PKD1L1: variants seen among roughly 807,000 people sequenced by gnomAD.
PKD1L1 encodes the protein polycystin 1 like 1, transient receptor potential channel interacting, also known as polycystin-1-like protein 1.
Under a neutral mutation model 323.4 loss-of-function variants are expected in PKD1L1, and 236 were observed. The ratio of observed to expected loss-of-function variants is 0.73; its 90% CI spans 0.66 to 0.81. The LOEUF (loss-of-function observed/expected upper bound fraction) is 0.81, where lower values mean the gene tolerates loss of function less well. Among genes scored for constraint, PKD1L1 ranks in the 40% least tolerant of loss-of-function variants. The pLI is 0.00. For synonymous variants in PKD1L1, 1,344 were observed against 1,335.0 expected (o/e 1.01, Z -0.15); for missense variants, 3,320 against 3,508.0 (o/e 0.95, Z 1.35).
intron 1 of PKD1L1, 72 bp from the exon 2 acceptor site, chr7:47,943,583 A>C: frequency 8.2e-7 from 1 of 1,215,046 alleles, no homozygotes. Context: ...TCCTGTGACC[A>C]CTCTTCCATC....
intron 31 of PKD1L1, 27 bp from the exon 32 acceptor site, chr7:47,847,098 G>A (rs1169582160): frequency 6.5e-7 from 1 of 1,534,926 alleles, no homozygotes; most frequent in Non-Finnish European, 8.7e-7. Flanking sequence ...TAAATAAAAA[G>A]TACAACCTGA....
At chr7:47,871,814 T>A (rs1786287094) in intron 24 of PKD1L1, among the ~76,000 whole-genome samples, 1 of 152,160 alleles carries the variant, frequency 6.6e-6, no homozygotes, top group Non-Finnish European at 1.5e-5. Flanking sequence ...CTCTAGCTAA[T>A]ATTAATATGA....
At chr7:47,845,143 G>T in intron 32 of PKD1L1, 65 bp from the exon 33 acceptor site, 1 of 1,314,182 alleles carries the variant, frequency 7.6e-7, no homozygotes, top group Non-Finnish European at 1.1e-6. Flanking sequence ...CAGTGTAATG[G>T]CATGTTGGTT....
intron 23 of PKD1L1, among the ~76,000 whole-genome samples, chr7:47,875,720 G>C (rs908776856): frequency 2.6e-5 from 4 of 152,128 alleles, no homozygotes; most frequent in African/African-American, 9.7e-5. Context: ...CCCACATTTT[G>C]TTCCTTAGGG....
rs537233816 is a variant in PKD1L1 at position 47,813,125 on chromosome 7, T to A, written c.7342A>T (p.Thr2448Ser). ...GGCCCTTCGAATCTCACTGACCTTGTTCTGCCCAGGCTGAGCACACAGTCC... is the reference window on the plus strand; with the variant it reads ...GGCCCTTCGAATCTCACTGACCTTGATCTGCCCAGGCTGAGCACACAGTCC... ...REDCVLSLGR[T>S]RTEAHTALSR... The change falls in exon 49 of 57, where the codon ACA becomes TCA. Residue 2448 changes from threonine to serine, a missense_variant. By Grantham distance (58) the Thr-to-Ser change is moderately conservative. Coordinates refer to ENST00000289672, the MANE Select transcript of PKD1L1 (RefSeq NM_138295.5). The A allele has an allele frequency of 3.7e-6, 6 of 1,612,832 alleles. No individual in the cohort carries two copies. The African/African-American group carries it at 4.0e-5, about 11-fold the overall frequency.
intron 26 of PKD1L1, among the ~76,000 whole-genome samples, chr7:47,860,708 A>C (rs1288076465): frequency 6.6e-6 from 1 of 152,190 alleles, no homozygotes; most frequent in African/African-American, 2.4e-5. Context: ...CACTTTTTTG[A>C]CCAAAAATAT....
chr7:47,943,533 G>C, intron 1 of PKD1L1, 22 bp from the exon 2 acceptor site: 9 of 1,580,396 alleles, frequency 5.7e-6, no homozygotes, highest in South Asian at 1.1e-5. Context: ...AAAATAACCA[G>C]AGGAAAATTA....
chr7:47,811,670 C>T, intron 50 of PKD1L1, 147 bp downstream of exon 50: 1 of 666,280 alleles, frequency 1.5e-6, no homozygotes, highest in Non-Finnish European at 2.6e-6. Flanking sequence ...GTGATGCTTG[C>T]TGCAAGAAGG....
At chr7:47,949,136 C>T (rs62447092), upstream of PKD1L1, among the ~76,000 whole-genome samples, 3 of 150,850 alleles carry the variant, frequency 2.0e-5, no homozygotes, top group East Asian at 4.0e-4. Flanking sequence ...TTTGGGAGGT[C>T]GAGGTGGGCG....
intron 54 of PKD1L1, 44 bp downstream of exon 54, chr7:47,800,604 AC>A: frequency 6.3e-7 from 1 of 1,589,742 alleles, no homozygotes; most frequent in South Asian, 1.1e-5. Context: ...AGCAAATGAA[AC>A]TTTTACAAAC....
chr7:47,915,653 G>A (rs1787413058), intron 7 of PKD1L1, 54 bp from the exon 8 acceptor site: 3 of 1,134,396 alleles, frequency 2.6e-6, no homozygotes, highest in Non-Finnish European at 2.5e-6. Context: ...AATAAACTAG[G>A]GGAAAATGTG....
Position 47,839,904 on chromosome 7 carries a change from C to T in PKD1L1, c.5553-242G>A. 6.6e-6 allele frequency among the ~76,000 whole-genome samples: 1 copy of T among 152,174 alleles called. No homozygotes were observed. Among genetic ancestry groups the T allele is most frequent in the Non-Finnish European group, 1.5e-5 (1 of 68,042 alleles). On this transcript the variant is annotated intron_variant, in intron 35 of 56. Coordinates refer to ENST00000289672, the MANE Select transcript of PKD1L1 (RefSeq NM_138295.5). This position sits in a 1 kb window ranked among gnomAD's most constrained non-coding sequence, Gnocchi z 4.3. ...TTCAATATCCACCAGCTTTCCCAAA[C>T]CAAAGTTACACAAATCTCGTTCATG...
intron 25 of PKD1L1, among the ~76,000 whole-genome samples, chr7:47,865,698 G>A (rs1448222446): frequency 6.6e-6 from 1 of 151,594 alleles, no homozygotes; most frequent in African/African-American, 2.4e-5. Context: ...CCATTCTACT[G>A]CCTCAGCCTC....
At chr7:47,937,561 G>A (rs2128757454) in intron 3 of PKD1L1, among the ~76,000 whole-genome samples, 1 of 152,298 alleles carries the variant, frequency 6.6e-6, no homozygotes, top group African/African-American at 2.4e-5. Flanking sequence ...CCAATGCACA[G>A]AAGCAACAGT....
intron 28 of PKD1L1, among the ~76,000 whole-genome samples, chr7:47,856,073 T>C (rs1436916231): frequency 6.6e-6 from 1 of 151,946 alleles, no homozygotes; most frequent in Non-Finnish European, 1.5e-5. Context: ...AGTCTTGCTC[T>C]GTCGCCCAGG....
chr7:47,928,571 G>GA (rs1787698686), intron 7 of PKD1L1, among the ~76,000 whole-genome samples: 1 of 151,830 alleles, frequency 6.6e-6, no homozygotes, highest in Admixed American at 6.6e-5. Context: ...TTCTGTCTCA[G>GA]AAAAAAGGAA....
intron 15 of PKD1L1, among the ~76,000 whole-genome samples, chr7:47,891,440 T>C (rs1436767647): frequency 6.6e-6 from 1 of 152,196 alleles, no homozygotes; most frequent in South Asian, 2.1e-4. Context: ...AGGGAGGAAA[T>C]GCTGCTATGG....
At chr7:47,788,146 T>C (rs1786854460) in intron 56 of PKD1L1, among the ~76,000 whole-genome samples, 1 of 152,026 alleles carries the variant, frequency 6.6e-6, no homozygotes. Context: ...ATCGATTTCA[T>C]TTTTATTAAG....
chr7:47,943,726 T>C (rs1304270942), intron 1 of PKD1L1, among the ~76,000 whole-genome samples: 2 of 152,194 alleles, frequency 1.3e-5, no homozygotes, highest in Non-Finnish European at 2.9e-5. Context: ...TTAACTGAAA[T>C]ATAGTTCCCA....
Sources: gnomAD v4.1 joint callset for allele counts (sites outside exome capture counted in the v4.1 genomes callset) on GRCh38, gnomAD v4.1.1 for gene constraint, Gnocchi (gnomAD v3.1) non-coding constraint, MANE v1.5 for transcripts, NCBI Gene and HGNC (gene_info 2026-07-23, HGNC 2026-07-21) for gene names.